VSNL1: variants seen among roughly 807,000 people sequenced by gnomAD.
The protein encoded by VSNL1 is visinin like 1, also known as visinin-like protein 1.
In VSNL1, 6 loss-of-function variants were observed where a neutral mutation model predicts 20.4. The ratio of observed to expected loss-of-function variants is 0.29; its 90% confidence interval spans 0.16 to 0.58. The LOEUF (loss-of-function observed/expected upper bound fraction) is 0.58. Among genes scored for constraint, VSNL1 ranks in the 20% least tolerant of loss-of-function variants. The probability of loss-of-function intolerance (pLI) is 0.90; values close to 1 mark genes in which losing one functional copy is unlikely to be tolerated. For missense variants in VSNL1, 100 were observed against 234.5 expected, an observed-to-expected ratio of 0.43 and a Z score of 3.75; for synonymous variants, 93 against 86.4, an observed-to-expected ratio of 1.08 and a Z score of -0.42.
At chr2:17,638,065 CTAG>C (rs1558308474) in intron 2 of VSNL1, among the ~76,000 whole-genome samples, 1 of 152,154 alleles carries the variant, frequency 6.6e-6, no homozygotes, top group Non-Finnish European at 1.5e-5. Context: ...AGATGTGATA[CTAG>C]TAGTAGAATT....
At position 17,547,435 on chromosome 2, in the gene VSNL1, A is replaced by G. The variant is rs140096523; in HGVS notation, c.-6+6517A>G. On this transcript the variant is annotated intron_variant, in intron 1 of 3. Coordinates refer to ENST00000295156, the MANE Select transcript of VSNL1 (RefSeq NM_003385.5). Reference sequence around the variant, plus strand: ...TCATTGCACAACTTCTAAATAAGGAATCAAATAGTGAACAGTTTACGGTGC... The same window carrying G: ...TCATTGCACAACTTCTAAATAAGGAGTCAAATAGTGAACAGTTTACGGTGC... Among the ~76,000 whole-genome samples the G allele has an allele frequency of 2.8e-3, 429 of 152,198 alleles. 1 individual carries two copies. Among genetic ancestry groups the G allele is most frequent in the African/African-American group, 8.5e-3 (353 of 41,564 alleles).
chr2:17,590,038 C>T (rs185380586), intron 1 of VSNL1, among the ~76,000 whole-genome samples: 83 of 152,246 alleles, frequency 5.5e-4, no homozygotes, highest in African/African-American at 1.8e-3. Context: ...ATTCTAGCTC[C>T]GCCATGCATT....
intron 2 of VSNL1, among the ~76,000 whole-genome samples, chr2:17,642,456 C>T (rs1408973835): frequency 6.6e-6 from 1 of 151,762 alleles, no homozygotes; most frequent in Non-Finnish European, 1.5e-5. Flanking sequence ...CTACAGGTAC[C>T]CGCCACCATG....
chr2:17,613,939 G>A (rs1279687338), intron 2 of VSNL1, among the ~76,000 whole-genome samples: 1 of 152,244 alleles, frequency 6.6e-6, no homozygotes, highest in Non-Finnish European at 1.5e-5. Flanking sequence ...ACAGTTCGCT[G>A]TATTAGGCAA....
intron 2 of VSNL1, among the ~76,000 whole-genome samples, chr2:17,629,956 A>T (rs1222641342): frequency 6.6e-6 from 1 of 152,184 alleles, no homozygotes; most frequent in Non-Finnish European, 1.5e-5. Context: ...GTGCATGCAG[A>T]TTGGTTTGTG....
intron 1 of VSNL1, among the ~76,000 whole-genome samples, chr2:17,563,166 A>G (rs1663858180): frequency 6.6e-6 from 1 of 152,250 alleles, no homozygotes; most frequent in Non-Finnish European, 1.5e-5. Flanking sequence ...GAGAAGGGAA[A>G]TTACTTCATC....
At chr2:17,609,061 G>T (rs981491376) in intron 2 of VSNL1, among the ~76,000 whole-genome samples, 2 of 152,174 alleles carry the variant, frequency 1.3e-5, no homozygotes, top group African/African-American at 2.4e-5. Context: ...AAGTTTAACT[G>T]TGACAGAGAC....
rs1477110320 is a variant in VSNL1, at chr2:17,593,991, A to G, written c.162+1755A>G. 2.0e-5 allele frequency among the ~76,000 whole-genome samples: 3 copies of G among 152,228 alleles called. No individual in the cohort carries two copies. In the East Asian group the frequency reaches 5.8e-4, roughly 29 times the overall value. On this transcript the variant is annotated intron_variant, in intron 2 of 3. Transcript: ENST00000295156. ...CCATGCAAGCTGTCACCCTATGATT[A>G]AGAGAGCACCGTGTGCCACGTTCCT...
chr2:17,603,340 C>T (rs766846941), intron 2 of VSNL1, among the ~76,000 whole-genome samples: 8 of 152,192 alleles, frequency 5.3e-5, no homozygotes, highest in Admixed American at 1.3e-4. Flanking sequence ...CTTGCTGTGT[C>T]CTCACATGGT....
intron 1 of VSNL1, among the ~76,000 whole-genome samples, chr2:17,556,363 G>C (rs1663678007): frequency 6.6e-6 from 1 of 152,156 alleles, no homozygotes; most frequent in Admixed American, 6.6e-5. Context: ...AAATATGCCA[G>C]TTCATCACTT....
intron 1 of VSNL1, among the ~76,000 whole-genome samples, chr2:17,587,291 C>G (rs1664497063): frequency 6.6e-6 from 1 of 150,886 alleles, no homozygotes; most frequent in African/African-American, 2.4e-5. Flanking sequence ...TCAGCAGACC[C>G]TGGTATGTTC....
At chr2:17,602,187 G>A (rs938461928) in intron 2 of VSNL1, among the ~76,000 whole-genome samples, 2 of 152,158 alleles carry the variant, frequency 1.3e-5, no homozygotes, top group Non-Finnish European at 2.9e-5. Flanking sequence ...GAGCACCTGC[G>A]GGAAGAAGGC....
At chr2:17,652,652 A>G (rs1174024296) in intron 3 of VSNL1, among the ~76,000 whole-genome samples, 1 of 152,254 alleles carries the variant, frequency 6.6e-6, no homozygotes, top group African/African-American at 2.4e-5. Flanking sequence ...CTTTGCATTA[A>G]GAACTAGAAT....
chr2:17,654,339 C>T (rs1475898147), intron 3 of VSNL1, among the ~76,000 whole-genome samples: 52 of 152,296 alleles, frequency 3.4e-4, no homozygotes, highest in Admixed American at 3.4e-3. Context: ...AGTCCCTGCT[C>T]CACAACTCTC....
chr2:17,603,794 A>T lies in VSNL1; in HGVS notation c.162+11558A>T, dbSNP rs150570017. 4.6e-5 allele frequency among the ~76,000 whole-genome samples: 7 copies of T among 152,350 alleles called. No individual in the cohort carries two copies. The East Asian group carries it at 1.2e-3, about 25-fold the overall frequency. ...CCTGGGGTTGTATTCTTAAAACAAC[A>T]TGATGGACAATACCAAGAAGGAAAA... On this transcript the variant is annotated intron_variant, in intron 2 of 3. Coordinates refer to ENST00000295156, the MANE Select transcript of VSNL1 (RefSeq NM_003385.5).
chr2:17,618,199 T>C (rs1485713933), intron 2 of VSNL1, among the ~76,000 whole-genome samples: 2 of 152,242 alleles, frequency 1.3e-5, no homozygotes, highest in East Asian at 1.9e-4. Context: ...AACTGATGGC[T>C]TAAAACAACA....
At chr2:17,629,531 C>T (rs1331822267) in intron 2 of VSNL1, among the ~76,000 whole-genome samples, 1 of 152,202 alleles carries the variant, frequency 6.6e-6, no homozygotes, top group Non-Finnish European at 1.5e-5. Context: ...TGTGTAAGCC[C>T]TTCTGAGTTC....
chr2:17,651,909 G>A (rs1473285500), intron 3 of VSNL1, among the ~76,000 whole-genome samples: 2 of 152,210 alleles, frequency 1.3e-5, no homozygotes, highest in Non-Finnish European at 2.9e-5. Context: ...ATAGAGTGCT[G>A]AGATTAGTTT....
chr2:17,622,532 A>AAAAGAAAGAAAG lies in VSNL1; in HGVS notation c.163-26818_163-26807dup, dbSNP rs201871488. On this transcript the variant is annotated intron_variant, in intron 2 of 3. Transcript: ENST00000295156. ...AAAGAAAGAAAGAAAAGAAAGAAAG[A>AAAAGAAAGAAAG]AAAGAAAGAAAGAAAGAAAGAAAGA... is the stretch of plus-strand genomic sequence containing the variant. 3.9e-3 allele frequency among the ~76,000 whole-genome samples: 382 copies of AAAAGAAAGAAAG among 98,672 alleles called. 3 individuals are homozygous for AAAAGAAAGAAAG. Among genetic ancestry groups the AAAAGAAAGAAAG allele is most frequent in the East Asian group, 0.017 (53 of 3,206 alleles). The allele number at this position is 98,672 out of a possible 152,430, so 64.7% of individuals were successfully genotyped here.
Sources: allele counts gnomAD v4.1 joint callset (sites outside exome capture counted in the v4.1 genomes callset), GRCh38; gene constraint gnomAD v4.1.1; transcripts MANE v1.5; gene names NCBI Gene and HGNC (gene_info 2026-07-23, HGNC 2026-07-21).